Variants in PAIP2B observed in about 807,000 individuals in gnomAD.
The protein encoded by PAIP2B is poly(A) binding protein interacting protein 2B.
A neutral mutation model predicts 17.0 loss-of-function variants in PAIP2B; 13 were observed. The observed-to-expected ratio is 0.76, with a 90% CI of 0.50 to 1.22. The LOEUF is 1.22. PAIP2B is among the 50% of genes most tolerant of loss of function. PAIP2B has a pLI of 0.00. For synonymous variants in PAIP2B, 43 were observed against 48.7 expected (o/e 0.88, Z 0.48); for missense variants, 117 against 144.5 (o/e 0.81, Z 0.98).
Position 71,187,739 on chromosome 2 carries a change from A to G in PAIP2B, c.*740T>C, listed in dbSNP as rs1674574305. 6.6e-6 allele frequency: 1 copy of G among 152,230 alleles called. No individual in the cohort carries two copies. Among genetic ancestry groups the G allele is most frequent in the Non-Finnish European group, 1.5e-5 (1 of 68,064 alleles). The allele number at this position is 152,230 out of a possible 1,614,324, so 9.4% of individuals were successfully genotyped here. Reference sequence around the variant, plus strand: ...GGCAGATCAACCCTAGTGCTCTTCTACTTATAAATGGTGAGTCTGATGGTG... The same window carrying G: ...GGCAGATCAACCCTAGTGCTCTTCTGCTTATAAATGGTGAGTCTGATGGTG... On this transcript the variant is annotated 3_prime_UTR_variant, in exon 4 of 4. Coordinates refer to ENST00000244221, the MANE Select transcript of PAIP2B (RefSeq NM_020459.1).
At chr2:71,213,961 A>G (rs1250878030) in intron 1 of PAIP2B, among the ~76,000 whole-genome samples, 2 of 152,194 alleles carry the variant, frequency 1.3e-5, no homozygotes, top group Non-Finnish European at 2.9e-5. Flanking sequence ...AGGGACTGTT[A>G]GTCTCCCAGT....
intron 1 of PAIP2B, among the ~76,000 whole-genome samples, chr2:71,209,397 A>G (rs1275534577): frequency 6.6e-6 from 1 of 152,236 alleles, no homozygotes; most frequent in Admixed American, 6.5e-5. Flanking sequence ...TTGATAGTGT[A>G]GGTCCTGGGA....
chr2:71,216,742 C>G (rs894423743), intron 1 of PAIP2B, among the ~76,000 whole-genome samples: 4 of 152,228 alleles, frequency 2.6e-5, no homozygotes, highest in African/African-American at 9.6e-5. Flanking sequence ...TCAAGAACCT[C>G]TGGCATATAG....
intron 2 of PAIP2B, among the ~76,000 whole-genome samples, chr2:71,193,819 A>G (rs1674748348): frequency 6.6e-6 from 1 of 152,058 alleles, no homozygotes; most frequent in Non-Finnish European, 1.5e-5. Context: ...CCTGGGCTAC[A>G]GAGCAAGACT....
intron 1 of PAIP2B, among the ~76,000 whole-genome samples, chr2:71,209,464 C>G (rs1675231213): frequency 6.6e-6 from 1 of 152,134 alleles, no homozygotes; most frequent in Non-Finnish European, 1.5e-5. Flanking sequence ...ATTCAAAATC[C>G]AAATGCCTGG....
intron 1 of PAIP2B, among the ~76,000 whole-genome samples, chr2:71,209,773 G>A (rs557648092): frequency 1.3e-5 from 2 of 151,940 alleles, no homozygotes; most frequent in East Asian, 3.9e-4. Context: ...ACATTTTAAA[G>A]CTACATAAGC....
intron 2 of PAIP2B, among the ~76,000 whole-genome samples, chr2:71,199,502 G>T (rs1254169618): frequency 6.6e-6 from 1 of 151,354 alleles, no homozygotes. Context: ...AATAGCCAGT[G>T]AGAGTGTATG....
chr2:71,186,128 G>C lies in PAIP2B; in HGVS notation c.*2351C>G, dbSNP rs1449962072. 1 of 152,188 alleles carries C rather than the reference G, an allele frequency of 6.6e-6. No individual in the cohort carries two copies. Among genetic ancestry groups the C allele is most frequent in the Non-Finnish European group, 1.5e-5 (1 of 68,030 alleles). 9.4% of individuals were successfully genotyped at this position (152,188 alleles called of 1,614,324 possible). A position where few individuals can be genotyped will look rare whatever the true frequency, so the allele number is the denominator to read the frequency against. On this transcript the variant is annotated 3_prime_UTR_variant, in exon 4 of 4. Coordinates refer to ENST00000244221, the MANE Select transcript of PAIP2B (RefSeq NM_020459.1). ...TGCTGGTTCTTCTTCTGTGAGAAAA[G>C]TCACTGACAGCCAGAGGCTCCCAGC...
intron 2 of PAIP2B, among the ~76,000 whole-genome samples, chr2:71,196,715 A>G (rs1674830107): frequency 1.3e-5 from 2 of 152,092 alleles, no homozygotes; most frequent in African/African-American, 4.8e-5. Context: ...GTGCATATGT[A>G]TTTAGGAAAG....
chr2:71,218,076 G>T (rs1050782095), intron 1 of PAIP2B, among the ~76,000 whole-genome samples: 2 of 151,940 alleles, frequency 1.3e-5, no homozygotes, highest in African/African-American at 4.8e-5. Flanking sequence ...ATTACATTCT[G>T]CCCTACTCCT....
chr2:71,205,133 A>G lies in PAIP2B; in HGVS notation c.-11-2533T>C, dbSNP rs969856218. ...AGCAAATTCCAGGATGTGCTTATTC[A>G]TGAGAAAGGGAGTGGGGAATTACCA... On this transcript the variant is annotated intron_variant, in intron 1 of 3. Coordinates refer to ENST00000244221, the MANE Select transcript of PAIP2B (RefSeq NM_020459.1). Among the ~76,000 whole-genome samples the G allele has an allele frequency of 3.9e-5, 6 of 152,328 alleles. No homozygotes were observed. The East Asian group carries it at 5.8e-4, about 15-fold the overall frequency.
At chr2:71,200,356 C>G (rs943750776) in intron 2 of PAIP2B, among the ~76,000 whole-genome samples, 13 of 152,196 alleles carry the variant, frequency 8.5e-5, no homozygotes, top group Admixed American at 7.2e-4. Flanking sequence ...TGACATCAAT[C>G]ATATCCCAGA....
At chr2:71,193,174 G>A (rs778916623) in intron 2 of PAIP2B, among the ~76,000 whole-genome samples, 2 of 151,766 alleles carry the variant, frequency 1.3e-5, no homozygotes, top group Non-Finnish European at 2.9e-5. Flanking sequence ...GTTTTGACTC[G>A]CATTTCTCTA....
At chr2:71,203,302 G>C (rs1319694305) in intron 1 of PAIP2B, among the ~76,000 whole-genome samples, 2 of 151,468 alleles carry the variant, frequency 1.3e-5, no homozygotes, top group Admixed American at 1.3e-4. Flanking sequence ...ACCATCTTTT[G>C]GGGGTGTTTC....
At chr2:71,194,328 T>C (rs912026743) in intron 2 of PAIP2B, among the ~76,000 whole-genome samples, 57 of 152,216 alleles carry the variant, frequency 3.7e-4, no homozygotes, top group African/African-American at 1.3e-3. Context: ...ATTTTAATGA[T>C]ATTGATTCTT....
rs1383877442 is a variant in PAIP2B, at chr2:71,184,008, C to T, written c.*4471G>A. On this transcript the variant is annotated 3_prime_UTR_variant, in exon 4 of 4. Coordinates refer to ENST00000244221, the MANE Select transcript of PAIP2B (RefSeq NM_020459.1). ...TTAAACATTTTTGGAGGCTCATAAT[C>T]AACAGGACAGAATAACTACTTAGTG... The T allele has an allele frequency of 6.6e-6, 1 of 152,180 alleles. No homozygotes were observed. The highest frequency in any genetic ancestry group is 1.5e-5 in the Non-Finnish European group (1 of 68,044). 9.4% of individuals were successfully genotyped at this position (152,180 alleles called of 1,614,324 possible).
rs568241508 is a variant in PAIP2B, at chr2:71,210,606, A to C, written c.-11-8006T>G. Among the ~76,000 whole-genome samples the C allele has an allele frequency of 2.6e-5, 4 of 152,364 alleles. No individual in the cohort carries two copies. In the South Asian group the frequency reaches 8.3e-4, roughly 32 times the overall value. ...AACAAGAAGCTTTCAAAAACATATT[A>C]GTTGACAAGGAAGTCAGGAAAAAGA... is the stretch of plus-strand genomic sequence containing the variant. On this transcript the variant is annotated intron_variant, in intron 1 of 3. Transcript: ENST00000244221.
chr2:71,210,429 T>C (rs990875778), intron 1 of PAIP2B, among the ~76,000 whole-genome samples: 7 of 152,176 alleles, frequency 4.6e-5, no homozygotes, highest in Admixed American at 6.5e-5. Context: ...AGAAAACAAA[T>C]AAGTAGTCAT....
chr2:71,195,438 C>G (rs1572923392), intron 2 of PAIP2B, among the ~76,000 whole-genome samples: 1 of 152,108 alleles, frequency 6.6e-6, no homozygotes, highest in South Asian at 2.1e-4. Flanking sequence ...TTCTTCCTAG[C>G]TCAGTCTTGG....
Sources: gnomAD v4.1 joint callset for allele counts (sites outside exome capture counted in the v4.1 genomes callset) on GRCh38, gnomAD v4.1.1 for gene constraint, MANE v1.5 for transcripts, NCBI Gene and HGNC (gene_info 2026-07-23, HGNC 2026-07-21) for gene names.